GRHL2: variants seen among roughly 807,000 people sequenced by gnomAD.
GRHL2 encodes the protein grainyhead-like protein 2 homolog.
In GRHL2, 21 loss-of-function variants were observed where a neutral mutation model predicts 83.8. The ratio of observed to expected loss-of-function variants is 0.25; its 90% CI spans 0.18 to 0.36. The LOEUF is 0.36. Ranked by LOEUF, GRHL2 falls within the 10% of genes least tolerant of loss-of-function variation. The probability of loss-of-function intolerance (pLI) is 1.00; values close to 1 mark genes in which losing one functional copy is unlikely to be tolerated. For synonymous variants in GRHL2, 280 were observed against 278.9 expected (o/e 1.00, Z -0.04); for missense variants, 623 against 781.8 (o/e 0.80, Z 2.42).
At chr8:101,676,616 CT>C in the GRHL2 span, among the ~76,000 whole-genome samples, 4 of 152,146 alleles carry the variant, frequency 2.6e-5, no homozygotes, top group Non-Finnish European at 4.4e-5. Context: ...GTTTGTGGGA[CT>C]GTAAACTAGT....
chr8:101,606,909 C>T (rs896543748), intron 8 of GRHL2, among the ~76,000 whole-genome samples: 47 of 152,308 alleles, frequency 3.1e-4, no homozygotes, highest in African/African-American at 1.1e-3. Context: ...GTGAGAACTG[C>T]AGGGCTTTGG....
downstream of GRHL2, among the ~76,000 whole-genome samples, chr8:101,672,360 G>A (rs1046435591): frequency 6.6e-6 from 1 of 151,710 alleles, no homozygotes; most frequent in Non-Finnish European, 1.5e-5. Context: ...AGTCCTTAAA[G>A]GAGCTGATGG....
downstream of GRHL2, among the ~76,000 whole-genome samples, chr8:101,673,576 C>G (rs1814243480): frequency 6.7e-6 from 1 of 150,018 alleles, no homozygotes; most frequent in African/African-American, 2.5e-5. Context: ...AAAGCAAGTC[C>G]TTAGAGACCT....
chr8:101,495,117 G>T (rs1005664943), intron 1 of GRHL2, among the ~76,000 whole-genome samples: 1 of 152,218 alleles, frequency 6.6e-6, no homozygotes. Context: ...GTGTGACATG[G>T]GGTGGGGACT....
chr8:101,564,033 A>G (rs1394208457), intron 4 of GRHL2, among the ~76,000 whole-genome samples: 2 of 152,224 alleles, frequency 1.3e-5, no homozygotes, highest in East Asian at 1.9e-4. Flanking sequence ...TATTGTAGAT[A>G]AAGAGGCTTG....
At chr8:101,549,037 T>C (rs928424722) in intron 2 of GRHL2, among the ~76,000 whole-genome samples, 4 of 151,960 alleles carry the variant, frequency 2.6e-5, no homozygotes, top group Non-Finnish European at 1.5e-5. Context: ...GACATAACCA[T>C]GTACAAGGTA....
chr8:101,635,840 G>C (rs1221250961), intron 11 of GRHL2, among the ~76,000 whole-genome samples: 1 of 152,194 alleles, frequency 6.6e-6, no homozygotes, highest in Non-Finnish European at 1.5e-5. Flanking sequence ...CATTCCCAGA[G>C]AGTTCCAGGT....
intron 6 of GRHL2, among the ~76,000 whole-genome samples, chr8:101,574,431 G>C (rs1811892019): frequency 1.3e-5 from 2 of 152,256 alleles, no homozygotes; most frequent in Admixed American, 6.5e-5. Context: ...GCCAAGAAGG[G>C]AGAGGCCCGG....
chr8:101,652,484 TGTGTATGTGTGTG>T (rs1813674981), intron 14 of GRHL2, among the ~76,000 whole-genome samples: 1 of 60,852 alleles, frequency 1.6e-5, no homozygotes, highest in Non-Finnish European at 3.1e-5. Context: ...GTGTGGTATG[TGTGTATGTGTGTG>T]GTGTGTGTGT....
chr8:101,659,198 C>T (rs947196014), intron 14 of GRHL2, among the ~76,000 whole-genome samples: 1 of 152,120 alleles, frequency 6.6e-6, no homozygotes, highest in Non-Finnish European at 1.5e-5. Flanking sequence ...TGAATGTCAT[C>T]AGCATTTTGG....
Position 101,666,750 on chromosome 8 carries a change from C to T in GRHL2, c.*47C>T, listed in dbSNP as rs371386921. On this transcript the variant is annotated 3_prime_UTR_variant, in exon 16 of 16. Transcript: ENST00000646743. ...TGGCTGGAGCTCTCAGTGCGTTCCT[C>T]CCTGAGAGAGACAGAAGCCCCAGCC... 8 of 1,101,264 alleles carry T rather than the reference C, an allele frequency of 7.3e-6. No individual in the cohort carries two copies. In the African/African-American group the frequency reaches 1.1e-4, roughly 15 times the overall value. 68.2% of individuals were successfully genotyped at this position (1,101,264 alleles called of 1,614,324 possible). A position where few individuals can be genotyped will look rare whatever the true frequency, so the allele number is the denominator to read the frequency against.
intron 13 of GRHL2, among the ~76,000 whole-genome samples, chr8:101,646,302 G>A (rs1030536526): frequency 1.5e-4 from 23 of 152,284 alleles, no homozygotes; most frequent in Admixed American, 5.2e-4. Flanking sequence ...TCACACAGGC[G>A]AAACTAATTA....
intron 7 of GRHL2, among the ~76,000 whole-genome samples, chr8:101,581,503 T>C (rs576816688): frequency 1.6e-4 from 24 of 152,236 alleles, no homozygotes; most frequent in Admixed American, 9.8e-4. Context: ...ATGTCGGTTA[T>C]ACCTCTTGCG....
intron 1 of GRHL2, 101 bp from the exon 2 acceptor site, chr8:101,543,139 GA>G: frequency 1.1e-6 from 1 of 906,362 alleles, no homozygotes; most frequent in Non-Finnish European, 1.8e-6. Flanking sequence ...CCATTCTGGG[GA>G]AATAAAAATT....
At chr8:101,557,394 TTG>T (rs888716271) in intron 3 of GRHL2, among the ~76,000 whole-genome samples, 23 of 152,064 alleles carry the variant, frequency 1.5e-4, no homozygotes, top group South Asian at 1.2e-3. Context: ...CTGGCTAATT[TTG>T]TGTTTTTAGT....
intron 8 of GRHL2, among the ~76,000 whole-genome samples, chr8:101,618,812 A>C (rs1283326758): frequency 6.6e-6 from 1 of 152,142 alleles, no homozygotes; most frequent in Non-Finnish European, 1.5e-5. Flanking sequence ...GTTTCAATGC[A>C]ATAATGTGCA....
chr8:101,595,300 A>G (rs1163765691), intron 7 of GRHL2, among the ~76,000 whole-genome samples: 2 of 152,244 alleles, frequency 1.3e-5, no homozygotes, highest in Non-Finnish European at 2.9e-5. Flanking sequence ...TTGAGCTAAT[A>G]CAATTTTAAC....
intron 3 of GRHL2, among the ~76,000 whole-genome samples, chr8:101,556,255 C>T (rs551635181): frequency 4.6e-5 from 7 of 152,264 alleles, no homozygotes; most frequent in African/African-American, 1.7e-4. Flanking sequence ...CCAAGCCCGG[C>T]CTCAGAAGAG....
the GRHL2 span, among the ~76,000 whole-genome samples, chr8:101,678,636 GACAA>G: frequency 1.3e-5 from 2 of 150,468 alleles, no homozygotes; most frequent in Non-Finnish European, 3.0e-5. Flanking sequence ...GCAGGGCACA[GACAA>G]ACAAAAAGAC....
Sources: gnomAD v4.1 joint callset for allele counts (sites outside exome capture counted in the v4.1 genomes callset) on GRCh38, gnomAD v4.1.1 for gene constraint, MANE v1.5 for transcripts, NCBI Gene and HGNC (gene_info 2026-07-23, HGNC 2026-07-21) for gene names.